Variants in BEST1 observed in about 807,000 individuals in gnomAD.
BEST1 encodes bestrophin-1.
In BEST1, 58 loss-of-function variants were observed where a neutral mutation model predicts 63.3. That is an observed-to-expected ratio of 0.92 (90% CI 0.74 to 1.14). The LOEUF (loss-of-function observed/expected upper bound fraction) is 1.14. BEST1 is among the 50% of genes most tolerant of loss of function. The pLI is 0.00. For synonymous variants in BEST1, 283 were observed against 291.6 expected, an observed-to-expected ratio of 0.97 and a Z score of 0.30; for missense variants, 671 against 740.1, an observed-to-expected ratio of 0.91 and a Z score of 1.08.
intron 2 of BEST1, among the ~76,000 whole-genome samples, chr11:61,952,633 ATT>A (rs200389888): frequency 0.48 from 69,081 of 143,606 alleles, 18,770 homozygotes; most frequent in East Asian, 0.91. Flanking sequence ...CGCCTGGCTA[ATT>A]TTTTTTTTTT....
intron 9 of BEST1, 78 bp from the exon 10 acceptor site, chr11:61,962,177 C>T (rs1014750525): frequency 1.2e-5 from 18 of 1,508,246 alleles, no homozygotes; most frequent in Admixed American, 8.5e-5. Context: ...GAGAGAGGAG[C>T]GGGGGTAAGG....
At chr11:61,958,899 C>T (rs1253251109) in intron 7 of BEST1, 110 of 30,568 alleles carry the variant, frequency 3.6e-3, no homozygotes, top group African/African-American at 0.011. Flanking sequence ...CACACACACA[C>T]ACACACATAC....
At chr11:61,956,048 G>A (rs1197437252) in intron 4 of BEST1, 97 bp downstream of exon 4, 2 of 1,211,636 alleles carry the variant, frequency 1.7e-6, no homozygotes, top group Non-Finnish European at 2.3e-6. Context: ...AAGTCCCCCG[G>A]ACTCGGGGGA....
In BEST1 at chr11:61,955,782, C is replaced by T; in HGVS notation, c.312C>T (p.Asp104=). The change falls in exon 4 of 11, where the codon GAC becomes GAT. Residue 104 remains aspartate (D), a synonymous_variant. Coordinates refer to ENST00000378043, the MANE Select transcript of BEST1 (RefSeq NM_004183.4). ...AGTACGAGAACCTGCCGTGGCCCGACCGCCTCATGAGCCTGGTGTCGGGCT... is the reference window on the plus strand; with the variant it reads ...AGTACGAGAACCTGCCGTGGCCCGATCGCCTCATGAGCCTGGTGTCGGGCT... The part of the protein sequence containing the change: ...WNQYENLPWP[D]RLMSLVSGFV... The T allele has an allele frequency of 6.5e-7, 1 of 1,549,978 alleles. No individual in the cohort carries two copies. The highest frequency in any genetic ancestry group is 8.7e-7 in the Non-Finnish European group (1 of 1,146,944).
At chr11:61,957,361 C>T (rs764053819) in intron 5 of BEST1, 26 bp from the exon 6 acceptor site, 7 of 1,607,006 alleles carry the variant, frequency 4.4e-6, no homozygotes, top group Non-Finnish European at 6.0e-6. Flanking sequence ...GTGTTCAGAA[C>T]CCCATCCCCC....
rs377084214 is a variant in BEST1, at chr11:61,951,781, C to T, written c.-26C>T. Reference sequence around the variant, plus strand: ...GTCCCTCTCTACCAGGACCCAAGCCCACCTGCTGCAGCCCACTGCCTGGCC... The same window carrying T: ...GTCCCTCTCTACCAGGACCCAAGCCTACCTGCTGCAGCCCACTGCCTGGCC... On this transcript the variant is annotated 5_prime_UTR_variant, in exon 2 of 11. Coordinates refer to ENST00000378043, the MANE Select transcript of BEST1 (RefSeq NM_004183.4). 3 of 1,610,250 alleles carry T rather than the reference C, an allele frequency of 1.9e-6. No homozygotes were observed. The highest frequency in any genetic ancestry group is 2.5e-6 in the Non-Finnish European group (3 of 1,179,924).
At chr11:61,963,319 T>C in intron 10 of BEST1, 1 of 1,341,788 alleles carries the variant, frequency 7.5e-7, no homozygotes, top group South Asian at 2.4e-5. Context: ...CCATAACTAT[T>C]TAGGGTAGTA....
chr11:61,963,487 AC>A, intron 10 of BEST1: 1 of 1,077,900 alleles, frequency 9.3e-7, no homozygotes, highest in Middle Eastern at 4.3e-4. Context: ...CAAAGCTGTC[AC>A]AAAATCAGAT....
In BEST1 at chr11:61,964,335, C is replaced by T; in HGVS notation, c.*213C>T. On this transcript the variant is annotated 3_prime_UTR_variant, in exon 11 of 11. Transcript: ENST00000378043. ...TAAAAACTGTGAAAGCTAGACTGAA[C>T]CATTGGAAACATTTAACTCAGACTC... The T allele has an allele frequency of 1.1e-6, 1 of 947,454 alleles. No individual in the cohort carries two copies. The highest frequency in any genetic ancestry group is 2.9e-5 in the Admixed American group (1 of 35,062). The allele number at this position is 947,454 out of a possible 1,614,324, so 58.7% of individuals were successfully genotyped here.
At chr11:61,954,648 A>C (rs1941076188) in intron 2 of BEST1, 1 of 286,970 alleles carries the variant, frequency 3.5e-6, no homozygotes, top group African/African-American at 2.3e-5. Context: ...TTTTTTGTAG[A>C]GATAGGGTCT....
Position 61,962,499 on chromosome 11 carries a change from G to A in BEST1, c.1345G>A (p.Ala449Thr). ...QEDNKAWKLK[A>T]VDAFKSAPLY... ...AGACAACAAGGCCTGGAAGCTTAAG[G>A]CTGTGGACGCCTTCAAGTCTGCCCC... Residue 449 changes from alanine to threonine, a missense_variant, in exon 10 of 11, where the codon GCT becomes ACT. Physicochemically the swap from Ala to Thr is moderately conservative, Grantham distance 58 (BLOSUM62 0). Transcript: ENST00000378043. 6.2e-7 allele frequency: 1 copy of A among 1,614,182 alleles called. No homozygotes were observed. Among genetic ancestry groups the A allele is most frequent in the Middle Eastern group, 1.6e-4 (1 of 6,062 alleles).
chr11:61,963,371 C>A, intron 10 of BEST1: 1 of 1,266,876 alleles, frequency 7.9e-7, no homozygotes. Flanking sequence ...TGCCTCACTC[C>A]TAGGAACTGG....
rs281865264 is a variant in BEST1 at position 61,959,539 on chromosome 11, T to A, written c.909T>A (p.Asp303Glu). The A allele has an allele frequency of 6.2e-7, 1 of 1,614,202 alleles. No homozygotes were observed. The highest frequency in any genetic ancestry group is 8.5e-7 in the Non-Finnish European group (1 of 1,180,042). ...TCAACCCCTTTGGAGAGGATGATGA[T>A]GATTTTGAGACCAACTGGATTGTCG... ...QLINPFGEDD[D>E]DFETNWIVDR... Residue 303 changes from aspartate (D) to glutamate (E), a missense_variant, in exon 8 of 11, where the codon GAT becomes GAA. Physicochemically the swap from Asp to Glu is conservative, Grantham distance 45. Transcript: ENST00000378043.
At position 61,958,256 on chromosome 11, in the gene BEST1, C is replaced by G; in HGVS notation, c.825C>G (p.Val275=). ...PGHELDLVVP[V]FTFLQFFFYV... ...ATGAGCTGGACCTCGTTGTGCCCGT[C>G]TTCACGTTCCTGCAGTTCTTCTTCT... Residue 275 remains valine (V), a synonymous_variant, in exon 7 of 11, where the codon GTC becomes GTG. Transcript: ENST00000378043. 6.2e-7 allele frequency: 1 copy of G among 1,614,258 alleles called. No individual in the cohort carries two copies. Among genetic ancestry groups the G allele is most frequent in the Non-Finnish European group, 8.5e-7 (1 of 1,180,042 alleles).
chr11:61,965,180 C>A, downstream of BEST1: 3 of 1,601,266 alleles, frequency 1.9e-6, no homozygotes, highest in Non-Finnish European at 2.5e-6. Context: ...TCATCTCTAA[C>A]CACCACGTTT....
chr11:61,964,265 A>G lies in BEST1; in HGVS notation c.*143A>G. 3.3e-6 allele frequency: 5 copies of G among 1,493,314 alleles called. No individual in the cohort carries two copies. Among genetic ancestry groups the G allele is most frequent in the Non-Finnish European group, 4.5e-6 (5 of 1,110,654 alleles). 92.5% of individuals were successfully genotyped at this position (1,493,314 alleles called of 1,614,324 possible). A position where few individuals can be genotyped will look rare whatever the true frequency, so the allele number is the denominator to read the frequency against. Reference sequence around the variant, plus strand: ...GCCTGAATCAAATGGTTAGCTTAATAGATAAAAATCCCAGACTACTTCAGC... The same window carrying G: ...GCCTGAATCAAATGGTTAGCTTAATGGATAAAAATCCCAGACTACTTCAGC... On this transcript the variant is annotated 3_prime_UTR_variant, in exon 11 of 11. Transcript: ENST00000378043.
At position 61,959,490 on chromosome 11, in the gene BEST1, TC is replaced by T; in HGVS notation, c.868-4del. On this transcript the variant is annotated splice_polypyrimidine_tract_variant and splice_region_variant and intron_variant, in intron 7 of 10. Transcript: ENST00000378043. ...CTGAGGGTTTACAGAGCCTCACCTG[TC>T]CCCAAGGTGGCAGAGCAGCTCATCA... 5 of 1,614,024 alleles carry T rather than the reference TC, an allele frequency of 3.1e-6. No homozygotes were observed. The highest frequency in any genetic ancestry group is 4.2e-6 in the Non-Finnish European group (5 of 1,179,916).
intron 2 of BEST1, among the ~76,000 whole-genome samples, chr11:61,954,439 C>T (rs1474079931): frequency 3.9e-5 from 6 of 152,120 alleles, no homozygotes; most frequent in Non-Finnish European, 5.9e-5. Flanking sequence ...AAATCCTCTG[C>T]CTATTCACCC....
chr11:61,951,082 G>C (rs990373767), intron 1 of BEST1, among the ~76,000 whole-genome samples: 4 of 152,224 alleles, frequency 2.6e-5, no homozygotes, highest in African/African-American at 7.2e-5. Context: ...TCTCACACTA[G>C]GGTGGTTGAG....
Sources: allele counts gnomAD v4.1 joint callset (sites outside exome capture counted in the v4.1 genomes callset), GRCh38; gene constraint gnomAD v4.1.1; transcripts MANE v1.5; gene names NCBI Gene and HGNC (gene_info 2026-07-23, HGNC 2026-07-21).